ENTREP1: variants seen among roughly 807,000 people sequenced by gnomAD.
ENTREP1 encodes endosomal transmembrane epsin interactor 1, also known as Friedreich ataxia region gene X123.
the ENTREP1 span, chr9:69,384,047 G>A: frequency 3.3e-6 from 5 of 1,533,882 alleles, no homozygotes; most frequent in South Asian, 1.1e-5. Flanking sequence ...ATTGTGACAT[G>A]ATTCAGTAGA....
At chr9:69,334,421 C>T in the ENTREP1 span, among the ~76,000 whole-genome samples, 1 of 152,162 alleles carries the variant, frequency 6.6e-6, no homozygotes, top group African/African-American at 2.4e-5. Context: ...AGAATGATTA[C>T]TCTCAGCTAG....
At chr9:69,366,729 G>A in the ENTREP1 span, among the ~76,000 whole-genome samples, 1 of 151,940 alleles carries the variant, frequency 6.6e-6, no homozygotes, top group African/African-American at 2.4e-5. Flanking sequence ...TTGAGAAATA[G>A]GGGGTCTAGT....
the ENTREP1 span, among the ~76,000 whole-genome samples, chr9:69,361,305 G>A: frequency 6.6e-6 from 1 of 152,060 alleles, no homozygotes; most frequent in African/African-American, 2.4e-5. Context: ...CTCCCTGCAG[G>A]AGTAACCACT....
the ENTREP1 span, chr9:69,325,061 G>A: frequency 3.0e-6 from 3 of 985,410 alleles, no homozygotes; most frequent in Non-Finnish European, 3.6e-6. Flanking sequence ...GCGCGTGGGT[G>A]AGAGTGAGGG....
chr9:69,342,545 G>T, the ENTREP1 span, among the ~76,000 whole-genome samples: 15 of 152,202 alleles, frequency 9.9e-5, no homozygotes, highest in Admixed American at 3.9e-4. Flanking sequence ...ACTCAAAAGA[G>T]CCAGAGGCAG....
At chr9:69,334,275 G>A in the ENTREP1 span, among the ~76,000 whole-genome samples, 1 of 152,202 alleles carries the variant, frequency 6.6e-6, no homozygotes, top group Admixed American at 6.5e-5. Flanking sequence ...CAAGGTTAAA[G>A]TGCCTGGTGG....
At chr9:69,334,871 G>A in the ENTREP1 span, among the ~76,000 whole-genome samples, 1 of 150,910 alleles carries the variant, frequency 6.6e-6, no homozygotes. Flanking sequence ...CTGCCTCCTG[G>A]GTTCAGGCGA....
the ENTREP1 span, among the ~76,000 whole-genome samples, chr9:69,375,288 G>C: frequency 6.6e-6 from 1 of 152,232 alleles, no homozygotes; most frequent in Non-Finnish European, 1.5e-5. Flanking sequence ...GAGAGAGATA[G>C]AGCTTTCAGG....
chr9:69,334,604 C>T, the ENTREP1 span, among the ~76,000 whole-genome samples: 1 of 152,184 alleles, frequency 6.6e-6, no homozygotes, highest in African/African-American at 2.4e-5. Context: ...CTTTGGCAGA[C>T]ACACTTTATT....
the ENTREP1 span, among the ~76,000 whole-genome samples, chr9:69,359,608 A>G: frequency 2.6e-5 from 4 of 152,296 alleles, no homozygotes; most frequent in Middle Eastern, 3.4e-3. Context: ...ATGTCTCTCC[A>G]GCCATGCTGA....
the ENTREP1 span, among the ~76,000 whole-genome samples, chr9:69,338,946 A>T: frequency 6.6e-6 from 1 of 152,336 alleles, no homozygotes; most frequent in South Asian, 2.1e-4. Context: ...GGGATTCTAC[A>T]AGGGAAAACT....
At chr9:69,329,756 C>G in the ENTREP1 span, 2 of 728,394 alleles carry the variant, frequency 2.7e-6, no homozygotes, top group Non-Finnish European at 3.1e-6. Flanking sequence ...TCCTAGCTCT[C>G]GGTTTGGGGG....
At chr9:69,377,277 A>G in the ENTREP1 span, 1 of 815,924 alleles carries the variant, frequency 1.2e-6, no homozygotes, top group Non-Finnish European at 2.1e-6. Context: ...TGTCTTATGG[A>G]GGCAGCGTTA....
the ENTREP1 span, among the ~76,000 whole-genome samples, chr9:69,345,832 G>C: frequency 6.6e-6 from 1 of 152,018 alleles, no homozygotes; most frequent in South Asian, 2.1e-4. Context: ...TCAAACTCCT[G>C]ACCTCAAGTG....
chr9:69,360,892 A>G, the ENTREP1 span, among the ~76,000 whole-genome samples: 1 of 61,862 alleles, frequency 1.6e-5, no homozygotes, highest in Non-Finnish European at 3.9e-5. Flanking sequence ...TCTTGCATGT[A>G]AATTGCAAAA....
the ENTREP1 span, among the ~76,000 whole-genome samples, chr9:69,376,633 A>G: frequency 1.3e-5 from 2 of 152,116 alleles, no homozygotes; most frequent in African/African-American, 4.8e-5. Context: ...ATCTCCAAGG[A>G]AAGAGAGAAC....
chr9:69,332,648 T>C, the ENTREP1 span, among the ~76,000 whole-genome samples: 1 of 152,220 alleles, frequency 6.6e-6, no homozygotes, highest in Non-Finnish European at 1.5e-5. Flanking sequence ...TGCTACCATA[T>C]GCAAACAAAA....
the ENTREP1 span, among the ~76,000 whole-genome samples, chr9:69,384,200 C>T: frequency 1.0e-4 from 12 of 115,512 alleles, no homozygotes; most frequent in East Asian, 7.0e-4. Flanking sequence ...TTTCTACAAA[C>T]GGAAAAAAAA....
the ENTREP1 span, among the ~76,000 whole-genome samples, chr9:69,367,763 A>G: frequency 2.0e-4 from 25 of 127,498 alleles, no homozygotes; most frequent in African/African-American, 6.9e-4. Context: ...ATATATATAT[A>G]CACATATATA....
Sources: allele counts gnomAD v4.1 joint callset (sites outside exome capture counted in the v4.1 genomes callset), GRCh38; gene constraint gnomAD v4.1.1; transcripts MANE v1.5; gene names NCBI Gene and HGNC (gene_info 2026-07-23, HGNC 2026-07-21).